CDH19: variants seen among roughly 807,000 people sequenced by gnomAD.
CDH19 encodes cadherin 19.
CDH19 carries 67 observed loss-of-function variants against 64.2 expected under a neutral mutation model. The ratio of observed to expected loss-of-function variants is 1.04; its 90% CI spans 0.86 to 1.28. The LOEUF (loss-of-function observed/expected upper bound fraction) is 1.28. Among genes scored for constraint, CDH19 ranks in the 50% most tolerant of loss-of-function variants. The pLI is 0.00. For missense variants in CDH19, 1,030 were observed against 929.0 expected (o/e 1.11, Z -1.41); for synonymous variants, 346 against 319.3 (o/e 1.08, Z -0.89).
intron 1 of CDH19, among the ~76,000 whole-genome samples, chr18:66,576,153 A>G (rs1273800652): frequency 6.6e-6 from 1 of 151,646 alleles, no homozygotes; most frequent in African/African-American, 2.4e-5. Flanking sequence ...GACAGGTGAA[A>G]AAAACATACA....
At chr18:66,522,411 C>T (rs1041731579) in intron 9 of CDH19, among the ~76,000 whole-genome samples, 1 of 151,884 alleles carries the variant, frequency 6.6e-6, no homozygotes, top group South Asian at 2.1e-4. Context: ...CCACTACGCC[C>T]GGCTAATTTC....
At position 66,504,046 on chromosome 18, in the gene CDH19, C is replaced by T. The variant is rs1382379902; in HGVS notation, c.*766G>A. 6.6e-6 allele frequency: 1 copy of T among 151,858 alleles called. No individual in the cohort carries two copies. The highest frequency in any genetic ancestry group is 1.5e-5 in the Non-Finnish European group (1 of 67,906). The allele number at this position is 151,858 out of a possible 1,614,324, so 9.4% of individuals were successfully genotyped here. On this transcript the variant is annotated 3_prime_UTR_variant, in exon 12 of 12. Coordinates refer to ENST00000262150, the MANE Select transcript of CDH19 (RefSeq NM_021153.4). ...AGTAAATAAAATAACACTAAGATAT[C>T]TTAATTCAGTGCCTTTCTCACATTA...
At chr18:66,533,190 A>G (rs915647711) in intron 8 of CDH19, among the ~76,000 whole-genome samples, 1 of 147,344 alleles carries the variant, frequency 6.8e-6, no homozygotes, top group Non-Finnish European at 1.5e-5. Context: ...AATTAACTAA[A>G]AATTAAAATT....
In CDH19 at chr18:66,504,122, G is replaced by A. The variant is rs1027166855; in HGVS notation, c.*690C>T. 15 of 151,904 alleles carry A rather than the reference G, an allele frequency of 9.9e-5. No individual in the cohort carries two copies. The highest frequency in any genetic ancestry group is 3.6e-4 in the African/African-American group (15 of 41,506). The allele number at this position is 151,904 out of a possible 1,614,324, so 9.4% of individuals were successfully genotyped here. A position where few individuals can be genotyped will look rare whatever the true frequency, so the allele number is the denominator to read the frequency against. On this transcript the variant is annotated 3_prime_UTR_variant, in exon 12 of 12. Transcript: ENST00000262150. ...CATTAGATGACATTGAAAAATAGTA[G>A]AGGAATATTTTAGTCATATGCCAGA... is the stretch of plus-strand genomic sequence containing the variant.
chr18:66,586,234 C>T (rs1394887281), intron 1 of CDH19, among the ~76,000 whole-genome samples: 1 of 151,978 alleles, frequency 6.6e-6, no homozygotes, highest in African/African-American at 2.4e-5. Context: ...AATGATATAT[C>T]ATAGACTTAG....
At chr18:66,562,577 G>C (rs1215300327) in intron 3 of CDH19, among the ~76,000 whole-genome samples, 1 of 152,014 alleles carries the variant, frequency 6.6e-6, no homozygotes, top group African/African-American at 2.4e-5. Context: ...CCAGTCTGTG[G>C]CCTGGTTGTT....
At chr18:66,537,697 TA>T (rs1986728841) in intron 7 of CDH19, among the ~76,000 whole-genome samples, 1 of 152,070 alleles carries the variant, frequency 6.6e-6, no homozygotes, top group Non-Finnish European at 1.5e-5. Context: ...GTCGTTTCCT[TA>T]CAACAGCTCT....
intron 1 of CDH19, among the ~76,000 whole-genome samples, chr18:66,579,960 C>CA (rs1988378199): frequency 2.6e-5 from 4 of 151,620 alleles, no homozygotes; most frequent in Non-Finnish European, 1.5e-5. Flanking sequence ...TAAAATATCT[C>CA]AAAAAAATGG....
rs541258576 is a variant in CDH19 at position 66,515,288 on chromosome 18, C to T, written c.1459-3603G>A. ...CTCCCATTGCCAAGAAATTATTATA[C>T]AAACATATGTATGAGACCATCACTT... On this transcript the variant is annotated intron_variant, in intron 9 of 11. Coordinates refer to ENST00000262150, the MANE Select transcript of CDH19 (RefSeq NM_021153.4). 2.0e-5 allele frequency among the ~76,000 whole-genome samples: 3 copies of T among 151,582 alleles called. No individual in the cohort carries two copies. In the South Asian group the frequency reaches 6.2e-4, roughly 31 times the overall value.
chr18:66,509,397 A>T lies in CDH19; in HGVS notation c.1577-151T>A, dbSNP rs1036597675. The T allele has an allele frequency of 8.1e-5, 48 of 590,836 alleles. No homozygotes were observed. In the Admixed American group the frequency reaches 1.5e-3, roughly 19 times the overall value. 36.6% of individuals were successfully genotyped at this position (590,836 alleles called of 1,614,324 possible). A position where few individuals can be genotyped will look rare whatever the true frequency, so the allele number is the denominator to read the frequency against. On this transcript the variant is annotated intron_variant, in intron 10 of 11. Transcript: ENST00000262150. ...AAATTTCTGACGAGAAGACAACTAAAACATCCACACTAAATTATTAGTGTT... is the reference window on the plus strand; with the variant it reads ...AAATTTCTGACGAGAAGACAACTAATACATCCACACTAAATTATTAGTGTT...
intron 5 of CDH19, 125 bp from the exon 6 acceptor site, chr18:66,545,028 G>A (rs1987054830): frequency 3.1e-6 from 2 of 654,052 alleles, no homozygotes; most frequent in South Asian, 5.0e-5. Flanking sequence ...GCCCAGGCTG[G>A]AGTGCAGTGG....
intron 9 of CDH19, among the ~76,000 whole-genome samples, chr18:66,514,283 C>A (rs897871351): frequency 1.3e-5 from 2 of 151,264 alleles, no homozygotes; most frequent in South Asian, 2.1e-4. Flanking sequence ...CAAAATGATA[C>A]CGTAAAAGAC....
At chr18:66,574,058 A>C in intron 1 of CDH19, among the ~76,000 whole-genome samples, 1 of 151,762 alleles carries the variant, frequency 6.6e-6, no homozygotes, top group East Asian at 1.9e-4. Context: ...AGATTTAAAT[A>C]TGTCCACACA....
At chr18:66,537,343 C>G (rs919149945) in intron 7 of CDH19, among the ~76,000 whole-genome samples, 5 of 151,928 alleles carry the variant, frequency 3.3e-5, no homozygotes, top group Admixed American at 3.3e-4. Context: ...TTGGGTTTGT[C>G]TGATGCTTTC....
chr18:66,516,024 A>C (rs1985720631), intron 9 of CDH19, among the ~76,000 whole-genome samples: 1 of 151,940 alleles, frequency 6.6e-6, no homozygotes, highest in African/African-American at 2.4e-5. Context: ...TTTAAAAGTT[A>C]TAAACACCTA....
rs1460641376 is a variant in CDH19, at chr18:66,515,590, A to G, written c.1459-3905T>C. Reference sequence around the variant, plus strand: ...AGGATACTCTAAGTTTTCTAAAAGGATTTTTCACAAAGTTTCATTATATTT... The same window carrying G: ...AGGATACTCTAAGTTTTCTAAAAGGGTTTTTCACAAAGTTTCATTATATTT... On this transcript the variant is annotated intron_variant, in intron 9 of 11. Coordinates refer to ENST00000262150, the MANE Select transcript of CDH19 (RefSeq NM_021153.4). Among the ~76,000 whole-genome samples, 3 of 151,728 alleles carry G rather than the reference A, an allele frequency of 2.0e-5. No individual in the cohort carries two copies. In the East Asian group the frequency reaches 5.8e-4, roughly 29 times the overall value.
intron 11 of CDH19, among the ~76,000 whole-genome samples, chr18:66,508,716 T>C (rs572188986): frequency 2.7e-5 from 4 of 150,078 alleles, no homozygotes; most frequent in Admixed American, 1.3e-4. Flanking sequence ...TGTTACATTG[T>C]ATATGTGTCA....
chr18:66,521,415 T>G (rs1445912941), intron 9 of CDH19, among the ~76,000 whole-genome samples: 9 of 152,190 alleles, frequency 5.9e-5, no homozygotes, highest in Non-Finnish European at 1.2e-4. Context: ...GAACATTTCT[T>G]ATCAACCAGC....
chr18:66,589,742 A>T (rs1387479587), intron 1 of CDH19, among the ~76,000 whole-genome samples: 1 of 151,936 alleles, frequency 6.6e-6, no homozygotes, highest in East Asian at 1.9e-4. Flanking sequence ...AGAAAACTAA[A>T]GTCATGCACT....
Sources: gnomAD v4.1 joint callset for allele counts (sites outside exome capture counted in the v4.1 genomes callset) on GRCh38, gnomAD v4.1.1 for gene constraint, MANE v1.5 for transcripts, NCBI Gene and HGNC (gene_info 2026-07-23, HGNC 2026-07-21) for gene names.